WWOX: variants seen among roughly 807,000 people sequenced by gnomAD.
WWOX encodes the protein WW domain containing oxidoreductase, also known as WW domain-containing oxidoreductase.
In WWOX, 69 loss-of-function variants were observed where a neutral mutation model predicts 46.2. The ratio of observed to expected loss-of-function variants is 1.49; its 90% CI spans 1.23 to 1.82. The LOEUF (loss-of-function observed/expected upper bound fraction) is 1.82. Ranked by LOEUF, WWOX falls within the 40% of genes most tolerant of loss-of-function variation. The probability of loss-of-function intolerance (pLI) is 0.00; values close to 1 mark genes in which losing one functional copy is unlikely to be tolerated. For missense variants in WWOX, 919 were observed against 542.6 expected, an observed-to-expected ratio of 1.69 and a Z score of -6.89; for synonymous variants, 359 against 202.6, an observed-to-expected ratio of 1.77 and a Z score of -6.56.
rs1158880959 is a variant in WWOX, at chr16:78,099,710, GGAGT to G, written c.-64_-61del. The G allele has an allele frequency of 7.8e-5, 116 of 1,485,944 alleles. No individual in the cohort carries two copies. The highest frequency in any genetic ancestry group is 9.6e-5 in the Non-Finnish European group (107 of 1,118,124). 92.0% of individuals were successfully genotyped at this position (1,485,944 alleles called of 1,614,324 possible). On this transcript the variant is annotated 5_prime_UTR_variant, in exon 1 of 9. Transcript: ENST00000566780. ...ACGCGCGCGGGTCTCGTTTGGAGCG[GGAGT>G]GAGTTCCTGAGCGAGTGGACCCGGC...
intron 5 of WWOX, among the ~76,000 whole-genome samples, chr16:78,366,186 A>G (rs1386644395): frequency 1.3e-5 from 2 of 152,242 alleles, no homozygotes; most frequent in Admixed American, 6.5e-5. Context: ...ATGCATTTCA[A>G]AAAGCTTTCA....
chr16:78,730,330 T>A (rs2048938941), intron 8 of WWOX, among the ~76,000 whole-genome samples: 1 of 152,126 alleles, frequency 6.6e-6, no homozygotes, highest in Admixed American at 6.5e-5. Context: ...CTTCCTTTTC[T>A]TCCCATTTCC....
intron 5 of WWOX, among the ~76,000 whole-genome samples, chr16:78,317,525 G>A (rs995272317): frequency 3.3e-5 from 5 of 152,164 alleles, no homozygotes; most frequent in African/African-American, 1.2e-4. Context: ...ACAAGCATCG[G>A]GTTGGATAAT....
At chr16:79,050,084 C>T (rs2048137937) in intron 8 of WWOX, among the ~76,000 whole-genome samples, 1 of 152,112 alleles carries the variant, frequency 6.6e-6, no homozygotes, top group South Asian at 2.1e-4. Flanking sequence ...AAGCATAGGC[C>T]AGTGACTTGG....
intron 5 of WWOX, among the ~76,000 whole-genome samples, chr16:78,345,114 A>G (rs1249011031): frequency 8.4e-6 from 1 of 118,580 alleles, no homozygotes; most frequent in African/African-American, 2.9e-5. Context: ...GACTATGGCT[A>G]TTGGTGGTAC....
intron 8 of WWOX, among the ~76,000 whole-genome samples, chr16:78,778,786 C>G (rs1180791625): frequency 3.9e-5 from 6 of 152,184 alleles, no homozygotes; most frequent in Admixed American, 3.9e-4. Context: ...AACCCTGAGC[C>G]ATTTCTGTCC....
At chr16:78,122,698 G>T (rs548436572) in intron 4 of WWOX, among the ~76,000 whole-genome samples, 16 of 151,360 alleles carry the variant, frequency 1.1e-4, no homozygotes, top group African/African-American at 3.6e-4. Context: ...TCCGCCTCCC[G>T]GGTTGAAGTG....
rs374299966 is a variant in WWOX at position 79,184,580 on chromosome 16, C to G, written c.1057-27028C>G. Among the ~76,000 whole-genome samples, 178 of 152,338 alleles carry G rather than the reference C, an allele frequency of 1.2e-3. 2 individuals carry two copies. The highest frequency in any genetic ancestry group is 9.9e-3 in the South Asian group (48 of 4,830). ...GGTGTTGTGCACCCACTCTGCAACTCTCCAAGCTCCAGCCCTGTAGTGCCA... is the reference window on the plus strand; with the variant it reads ...GGTGTTGTGCACCCACTCTGCAACTGTCCAAGCTCCAGCCCTGTAGTGCCA... On this transcript the variant is annotated intron_variant, in intron 8 of 8. Transcript: ENST00000566780.
chr16:78,892,437 G>C (rs2044610838), intron 8 of WWOX: 1 of 152,202 alleles, frequency 6.6e-6, no homozygotes, highest in Non-Finnish European at 1.5e-5. Flanking sequence ...GTTGGTGCAA[G>C]AGACGTTCTA....
At chr16:78,267,415 C>G (rs1354689985) in intron 5 of WWOX, among the ~76,000 whole-genome samples, 1 of 152,170 alleles carries the variant, frequency 6.6e-6, no homozygotes, top group African/African-American at 2.4e-5. Flanking sequence ...TGCATTTGCA[C>G]AATTTGGATA....
chr16:78,411,305 A>T (rs995059282), intron 6 of WWOX, among the ~76,000 whole-genome samples: 3 of 152,152 alleles, frequency 2.0e-5, no homozygotes, highest in African/African-American at 7.2e-5. Flanking sequence ...TTTAATGTTG[A>T]GTAATATGCC....
intron 5 of WWOX, among the ~76,000 whole-genome samples, chr16:78,343,097 T>C (rs1203237683): frequency 8.3e-6 from 1 of 121,120 alleles, no homozygotes; most frequent in Non-Finnish European, 2.0e-5. Flanking sequence ...TGTTTTTCTT[T>C]TGTTTTCTTG....
At chr16:78,541,246 G>A (rs1025393351) in intron 8 of WWOX, among the ~76,000 whole-genome samples, 3 of 151,468 alleles carry the variant, frequency 2.0e-5, no homozygotes, top group Non-Finnish European at 1.5e-5. Flanking sequence ...AGGCCGAGGC[G>A]GGCGGATCAC....
At chr16:78,260,617 G>A (rs1227657391) in intron 5 of WWOX, among the ~76,000 whole-genome samples, 1 of 150,590 alleles carries the variant, frequency 6.6e-6, no homozygotes, top group African/African-American at 2.5e-5. Flanking sequence ...GCAGTGAGCC[G>A]AGATTGCACC....
intron 8 of WWOX, among the ~76,000 whole-genome samples, chr16:79,124,091 C>T (rs930695356): frequency 1.7e-4 from 25 of 151,406 alleles, no homozygotes; most frequent in Non-Finnish European, 5.9e-5. Flanking sequence ...CTCTGAAAGC[C>T]CTCCTGATTA....
chr16:79,141,742 C>T (rs112052369), intron 8 of WWOX, among the ~76,000 whole-genome samples: 135 of 151,752 alleles, frequency 8.9e-4, no homozygotes, highest in African/African-American at 3.1e-3. Flanking sequence ...CACGGAGGGC[C>T]AGAAGGAAGC....
intron 6 of WWOX, among the ~76,000 whole-genome samples, 189 bp from the exon 7 acceptor site, chr16:78,424,681 T>A (rs994372073): frequency 6.6e-6 from 1 of 152,182 alleles, no homozygotes; most frequent in African/African-American, 2.4e-5. Flanking sequence ...CCTTGTGACA[T>A]TCTAGGGTAT....
At chr16:79,049,656 C>T (rs866021036) in intron 8 of WWOX, among the ~76,000 whole-genome samples, 12 of 151,762 alleles carry the variant, frequency 7.9e-5, no homozygotes, top group Admixed American at 5.9e-4. Flanking sequence ...GCCATGATGG[C>T]GAAACCCCGT....
chr16:78,440,771 A>C (rs1355770974), intron 8 of WWOX, among the ~76,000 whole-genome samples: 3 of 151,968 alleles, frequency 2.0e-5, no homozygotes, highest in African/African-American at 7.2e-5. Context: ...AGCACTGGCC[A>C]CCAAACCCAG....
Sources: allele counts gnomAD v4.1 joint callset (sites outside exome capture counted in the v4.1 genomes callset), GRCh38; gene constraint gnomAD v4.1.1; transcripts MANE v1.5; gene names NCBI Gene and HGNC (gene_info 2026-07-23, HGNC 2026-07-21).